Variants in OSBP observed in about 807,000 individuals in gnomAD.
The protein encoded by OSBP is oxysterol-binding protein 1.
In OSBP, 32 loss-of-function variants were observed where a neutral mutation model predicts 96.6. That is an observed-to-expected ratio of 0.33 (90% confidence interval 0.25 to 0.45). The LOEUF (loss-of-function observed/expected upper bound fraction) is 0.45, where lower values mean the gene tolerates loss of function less well. OSBP is among the 20% of genes least tolerant of loss of function. OSBP has a pLI of 1.00. For synonymous variants in OSBP, 369 were observed against 389.6 expected (o/e 0.95, Z 0.62); for missense variants, 653 against 1,029.7 (o/e 0.63, Z 5.01).
At chr11:59,588,334 G>A (rs866370246) in intron 9 of OSBP, among the ~76,000 whole-genome samples, 135 of 152,158 alleles carry the variant, frequency 8.9e-4, no homozygotes, top group African/African-American at 3.2e-3. Flanking sequence ...AGGAGTTCAA[G>A]AACAGCCAGG....
rs139081696 is a variant in OSBP at position 59,595,944 on chromosome 11, AAAATAAATAAATAAAT to A, written c.1312-1705_1312-1690del. Among the ~76,000 whole-genome samples the A allele has an allele frequency of 7.7e-3, 1,069 of 138,550 alleles. 8 individuals carry two copies. Among genetic ancestry groups the A allele is most frequent in the African/African-American group, 0.025 (910 of 36,676 alleles). The allele number at this position is 138,550 out of a possible 152,430, so 90.9% of individuals were successfully genotyped here. A position where few individuals can be genotyped will look rare whatever the true frequency, so the allele number is the denominator to read the frequency against. ...GGGCAACAGAGCGAGACTCTGTCTA[AAAATAAATAAATAAAT>A]AAATAAATAAATAAATAAATAAATA... On this transcript the variant is annotated intron_variant, in intron 7 of 13. Transcript: ENST00000263847.
chr11:59,614,802 T>C (rs1232164482), intron 1 of OSBP, among the ~76,000 whole-genome samples: 2 of 152,168 alleles, frequency 1.3e-5, no homozygotes, highest in African/African-American at 2.4e-5. Context: ...CCCTTATGTC[T>C]GAATGTGAAG....
intron 9 of OSBP, among the ~76,000 whole-genome samples, chr11:59,585,079 G>A (rs571882407): frequency 1.2e-4 from 18 of 149,784 alleles, no homozygotes; most frequent in African/African-American, 2.7e-4. Context: ...AGTGAGGAGC[G>A]TCTCTGCCTG....
At chr11:59,589,430 G>A (rs1449293411) in intron 9 of OSBP, among the ~76,000 whole-genome samples, 2 of 151,816 alleles carry the variant, frequency 1.3e-5, no homozygotes, top group Non-Finnish European at 2.9e-5. Flanking sequence ...GTGGAACCCA[G>A]TCTCTACTAA....
At chr11:59,582,480 AG>A in intron 9 of OSBP, among the ~76,000 whole-genome samples, 1 of 152,324 alleles carries the variant, frequency 6.6e-6, no homozygotes, top group South Asian at 2.1e-4. Flanking sequence ...CTCTGTGTTC[AG>A]GACCCTCCCA....
rs755324935 is a variant in OSBP, at chr11:59,578,193, T to G, written c.2016A>C (p.Glu672Asp). The G allele has an allele frequency of 1.2e-6, 2 of 1,614,114 alleles. No homozygotes were observed. Among genetic ancestry groups the G allele is most frequent in the Non-Finnish European group, 1.7e-6 (2 of 1,180,050 alleles). ...ACAGCATGACCCTGCTTTCCTCTGC[T>G]TCATGGCCTCTCTGTCGAGCATCAC... ...NGGDARQRGH[E>D]AEESRVMLWK... The change falls in exon 12 of 14, where the codon GAA (glutamate) becomes GAC (aspartate). Residue 672 changes from glutamate (E) to aspartate (D), a missense_variant. By Grantham distance (45) the Glu-to-Asp change is conservative. This residue lies in a region of OSBP where 169 missense variants were observed against 251.5 expected (regional missense o/e 0.67). Transcript: ENST00000263847.
chr11:59,600,741 T>G (rs1860713427), intron 6 of OSBP, 78 bp downstream of exon 6: 4 of 1,537,000 alleles, frequency 2.6e-6, no homozygotes, highest in Non-Finnish European at 3.5e-6. Flanking sequence ...CTCTTAGCAC[T>G]TCACAAAAAA....
chr11:59,585,458 T>C (rs1291135421), intron 9 of OSBP, among the ~76,000 whole-genome samples: 1 of 145,358 alleles, frequency 6.9e-6, no homozygotes, highest in Admixed American at 6.8e-5. Context: ...GTCTGAGAAG[T>C]GAGGAGCCCC....
intron 9 of OSBP, among the ~76,000 whole-genome samples, chr11:59,591,400 C>T (rs1189505571): frequency 5.3e-5 from 8 of 151,952 alleles, no homozygotes; most frequent in Non-Finnish European, 1.5e-5. Flanking sequence ...AGATTGGTTC[C>T]AGAACACCCT....
chr11:59,588,817 C>A (rs1180958548), intron 9 of OSBP, among the ~76,000 whole-genome samples: 1 of 151,992 alleles, frequency 6.6e-6, no homozygotes, highest in Non-Finnish European at 1.5e-5. Context: ...ACCAGCCTGG[C>A]CAACATGGAG....
chr11:59,587,458 C>T (rs1860513995), intron 9 of OSBP, among the ~76,000 whole-genome samples: 1 of 150,980 alleles, frequency 6.6e-6, no homozygotes, highest in African/African-American at 2.4e-5. Flanking sequence ...GCCAAGACTG[C>T]GCCACTGCAC....
At chr11:59,589,339 G>A (rs1238767039) in intron 9 of OSBP, among the ~76,000 whole-genome samples, 1 of 150,972 alleles carries the variant, frequency 6.6e-6, no homozygotes, top group Non-Finnish European at 1.5e-5. Flanking sequence ...GGTGCCTCAC[G>A]CCAGTAATCC....
At chr11:59,578,127 C>A in intron 12 of OSBP, 22 bp downstream of exon 12, 1 of 1,611,470 alleles carries the variant, frequency 6.2e-7, no homozygotes, top group Non-Finnish European at 8.5e-7. Flanking sequence ...GGTATCTGGG[C>A]AGCATGCATG....
At position 59,615,501 on chromosome 11, in the gene OSBP, G is replaced by A; in HGVS notation, c.164C>T (p.Ala55Val). 2 of 1,190,164 alleles carry A rather than the reference G, an allele frequency of 1.7e-6. No individual in the cohort carries two copies. Among genetic ancestry groups the A allele is most frequent in the Non-Finnish European group, 2.1e-6 (2 of 962,470 alleles). 73.7% of individuals were successfully genotyped at this position (1,190,164 alleles called of 1,614,324 possible). A position where few individuals can be genotyped will look rare whatever the true frequency, so the allele number is the denominator to read the frequency against. Residue 55 changes from alanine to valine, a missense_variant, in exon 1 of 14, where the codon GCG (alanine) becomes GTG (valine). This residue lies in a region of OSBP where 151 missense variants were observed against 146.1 expected (regional missense o/e 1.03). Transcript: ENST00000263847. ...CCCGGCCCCCGGGCCCGGGCCTCCCGCCGCCGCCGCGACCACCGTCCCTGA... is the reference window on the plus strand; with the variant it reads ...CCCGGCCCCCGGGCCCGGGCCTCCCACCGCCGCCGCGACCACCGTCCCTGA... Reference protein sequence around the residue: ...AASGTVVAAAAGGPGPGAGGV... With the variant: ...AASGTVVAAAVGGPGPGAGGV...
At chr11:59,596,588 A>G (rs927354671) in intron 7 of OSBP, among the ~76,000 whole-genome samples, 2 of 104,680 alleles carry the variant, frequency 1.9e-5, no homozygotes, top group East Asian at 2.2e-4. Flanking sequence ...TAGGCACCCA[A>G]AAAAAAAAAA....
At chr11:59,610,135 C>T (rs1860826654) in intron 2 of OSBP, among the ~76,000 whole-genome samples, 1 of 152,156 alleles carries the variant, frequency 6.6e-6, no homozygotes, top group Non-Finnish European at 1.5e-5. Flanking sequence ...GATGCCATAG[C>T]ACCTCCCTCC....
At chr11:59,587,726 G>A (rs1003768890) in intron 9 of OSBP, among the ~76,000 whole-genome samples, 3 of 152,220 alleles carry the variant, frequency 2.0e-5, no homozygotes, top group Non-Finnish European at 4.4e-5. Context: ...TGCACTGTTG[G>A]TGGGAATGTA....
chr11:59,576,237 A>G lies in OSBP; in HGVS notation c.*340T>C. On this transcript the variant is annotated 3_prime_UTR_variant, in exon 14 of 14. Transcript: ENST00000263847. ...GATCTTGGCTGAGCAGGATACTACA[A>G]GGGGAGGGTGAGTGACATTGTCTTA... is the stretch of plus-strand genomic sequence containing the variant. 1 of 218,364 alleles carries G rather than the reference A, an allele frequency of 4.6e-6. No individual in the cohort carries two copies. The allele number at this position is 218,364 out of a possible 1,614,324, so 13.5% of individuals were successfully genotyped here.
intron 13 of OSBP, 23 bp downstream of exon 13, chr11:59,576,782 A>AGAGT: frequency 6.2e-7 from 1 of 1,612,780 alleles, no homozygotes; most frequent in Non-Finnish European, 8.5e-7. Context: ...TCAAGAAAGA[A>AGAGT]GAGTAGAAGG....
Sources: allele counts gnomAD v4.1 joint callset (sites outside exome capture counted in the v4.1 genomes callset), GRCh38; gene constraint gnomAD v4.1.1; regional missense constraint gnomAD v4.1.1; transcripts MANE v1.5; gene names NCBI Gene and HGNC (gene_info 2026-07-23, HGNC 2026-07-21).